Variants in SHANK2 observed in about 807,000 individuals in gnomAD.
The protein encoded by SHANK2 is SH3 and multiple ankyrin repeat domains 2.
SHANK2 carries 43 observed loss-of-function variants against 133.7 expected under a neutral mutation model. The ratio of observed to expected loss-of-function variants is 0.32; its 90% CI spans 0.25 to 0.41. SHANK2 has a LOEUF of 0.41. Ranked by LOEUF, SHANK2 falls within the 10% of genes least tolerant of loss-of-function variation. The pLI is 1.00. For missense variants in SHANK2, 1,994 were observed against 2,235.8 expected, an observed-to-expected ratio of 0.89 and a Z score of 2.18; for synonymous variants, 1,017 against 952.8, an observed-to-expected ratio of 1.07 and a Z score of -1.24.
At chr11:70,570,353 C>T (rs782570408) in intron 17 of SHANK2, among the ~76,000 whole-genome samples, 5 of 152,180 alleles carry the variant, frequency 3.3e-5, no homozygotes, top group Non-Finnish European at 5.9e-5. Context: ...CAGGCCCCAG[C>T]GCCTCCCTAG....
intron 18 of SHANK2, 143 bp downstream of exon 18, chr11:70,502,653 C>G (rs1345423751): frequency 9.1e-6 from 9 of 993,048 alleles, no homozygotes; most frequent in Non-Finnish European, 1.2e-5. Context: ...GCGGTAAATT[C>G]CAGCCTCACC....
At chr11:70,847,961 G>A (rs1323987323) in intron 11 of SHANK2, among the ~76,000 whole-genome samples, 1 of 152,212 alleles carries the variant, frequency 6.6e-6, no homozygotes, top group East Asian at 1.9e-4. Context: ...GGCTGCTGAG[G>A]TGACCGTGGC....
intron 11 of SHANK2, among the ~76,000 whole-genome samples, chr11:70,874,389 C>G (rs1949523024): frequency 6.6e-6 from 1 of 152,138 alleles, no homozygotes; most frequent in African/African-American, 2.4e-5. Flanking sequence ...GTTACACACA[C>G]TGGAGTGCAC....
intron 14 of SHANK2, among the ~76,000 whole-genome samples, chr11:70,796,383 G>C (rs1340020652): frequency 6.6e-6 from 1 of 152,218 alleles, no homozygotes; most frequent in Non-Finnish European, 1.5e-5. Flanking sequence ...TCCAGGTGTG[G>C]CATAGCCAAC....
chr11:70,609,824 C>CTATATTGTATATTGT (rs2060635578), intron 17 of SHANK2, among the ~76,000 whole-genome samples: 1 of 8,684 alleles, frequency 1.2e-4, no homozygotes, highest in African/African-American at 3.9e-4. Flanking sequence ...TTGTATATTC[C>CTATATTGTATATTGT]ATAATATACA....
intron 1 of SHANK2, among the ~76,000 whole-genome samples, chr11:71,248,075 T>C (rs1289352282): frequency 1.3e-5 from 2 of 152,212 alleles, no homozygotes; most frequent in African/African-American, 4.8e-5. Flanking sequence ...ACCCAGGCTA[T>C]GGTCCCTAAA....
intron 14 of SHANK2, among the ~76,000 whole-genome samples, chr11:70,755,955 G>A (rs1946863804): frequency 6.6e-6 from 1 of 152,178 alleles, no homozygotes; most frequent in Admixed American, 6.5e-5. Context: ...AGCTGTGCCT[G>A]TGCAGAAAGC....
intron 10 of SHANK2, among the ~76,000 whole-genome samples, chr11:70,929,252 C>A (rs558049536): frequency 6.6e-6 from 1 of 152,332 alleles, no homozygotes; most frequent in East Asian, 1.9e-4. Context: ...TGTGGCTCTG[C>A]CCCGAGGCAC....
chr11:71,126,432 T>C (rs1191312894), intron 3 of SHANK2, among the ~76,000 whole-genome samples: 1 of 152,160 alleles, frequency 6.6e-6, no homozygotes, highest in Non-Finnish European at 1.5e-5. Flanking sequence ...AGAGTGCTGA[T>C]GGAGATGTAC....
At chr11:70,703,245 G>T (rs2134522751) in intron 14 of SHANK2, among the ~76,000 whole-genome samples, 1 of 152,330 alleles carries the variant, frequency 6.6e-6, no homozygotes, top group East Asian at 1.9e-4. Flanking sequence ...GGGTGAGGAG[G>T]GGGAGGCTCA....
chr11:71,110,291 A>T (rs1365555312), intron 5 of SHANK2, among the ~76,000 whole-genome samples: 1 of 152,132 alleles, frequency 6.6e-6, no homozygotes, highest in African/African-American at 2.4e-5. Context: ...ACAAAAAATT[A>T]GTCAGGCGTG....
At position 70,486,889 on chromosome 11, in the gene SHANK2, T is replaced by C. The variant is rs782519586; in HGVS notation, c.3404A>G (p.Glu1135Gly). ...GGATGACAGCTGCTCAGCGCTGTCCTCGTCAGCAAAATCCCCCTCCTCGGG... is the reference window on the plus strand; with the variant it reads ...GGATGACAGCTGCTCAGCGCTGTCCCCGTCAGCAAAATCCCCCTCCTCGGG... ...MFPEEGDFADEDSAEQLSSPM... is the reference protein window; with the variant it reads ...MFPEEGDFADGDSAEQLSSPM... The change falls in exon 25 of 26, where the codon GAG becomes GGG. Residue 1135 changes from glutamate (E) to glycine (G), a missense_variant. Coordinates refer to ENST00000601538, the MANE Select transcript of SHANK2 (RefSeq NM_012309.5). The surrounding 1 kb of genome is among the most constrained non-coding windows in gnomAD (Gnocchi z 8.0). The C allele has an allele frequency of 2.5e-6, 4 of 1,612,654 alleles. No homozygotes were observed. The Admixed American group carries it at 5.0e-5, about 20-fold the overall frequency.
intron 17 of SHANK2, among the ~76,000 whole-genome samples, chr11:70,599,602 T>G: frequency 3.9e-5 from 1 of 25,410 alleles, no homozygotes; most frequent in Non-Finnish European, 6.4e-5. Context: ...CGAGACTCCG[T>G]CTCAAAAAAA....
At chr11:70,727,779 C>G (rs1180713879) in intron 14 of SHANK2, among the ~76,000 whole-genome samples, 1 of 152,216 alleles carries the variant, frequency 6.6e-6, no homozygotes, top group African/African-American at 2.4e-5. Context: ...TACCCGCAAG[C>G]ATTCAGATGG....
intron 11 of SHANK2, among the ~76,000 whole-genome samples, chr11:70,845,198 CAAA>C (rs782471301): frequency 1.9e-5 from 1 of 51,678 alleles, no homozygotes; most frequent in Non-Finnish European, 3.8e-5. Flanking sequence ...GACTCTGTCT[CAAA>C]AAAAAAAAAA....
chr11:70,783,756 G>A (rs898290141), intron 14 of SHANK2, among the ~76,000 whole-genome samples: 6 of 152,278 alleles, frequency 3.9e-5, no homozygotes, highest in South Asian at 4.1e-4. Context: ...CTGGACGTGC[G>A]GTTGTTTTGT....
chr11:71,164,855 C>T (rs1184706975), intron 2 of SHANK2, among the ~76,000 whole-genome samples: 17 of 152,154 alleles, frequency 1.1e-4, no homozygotes, highest in Non-Finnish European at 2.2e-4. Flanking sequence ...AGGGCACTTT[C>T]CAGTCACCTG....
intron 15 of SHANK2, among the ~76,000 whole-genome samples, chr11:70,676,470 G>A (rs1944907555): frequency 6.6e-6 from 1 of 152,218 alleles, no homozygotes; most frequent in Non-Finnish European, 1.5e-5. Flanking sequence ...CATACTTGGA[G>A]CTATGGCTGC....
intron 11 of SHANK2, among the ~76,000 whole-genome samples, chr11:70,889,456 A>G (rs1949804792): frequency 6.6e-6 from 1 of 152,168 alleles, no homozygotes; most frequent in East Asian, 1.9e-4. Flanking sequence ...AGCCCCGGGA[A>G]CCGGGTACAC....
Sources: allele counts gnomAD v4.1 joint callset (sites outside exome capture counted in the v4.1 genomes callset), GRCh38; gene constraint gnomAD v4.1.1; non-coding constraint Gnocchi (gnomAD v3.1); transcripts MANE v1.5; gene names NCBI Gene and HGNC (gene_info 2026-07-23, HGNC 2026-07-21).